NEGR1: variants seen among roughly 807,000 people sequenced by gnomAD.
The protein encoded by NEGR1 is neuronal growth regulator 1.
A neutral mutation model predicts 40.9 loss-of-function variants in NEGR1; 10 were observed. That is an observed-to-expected ratio of 0.24 (90% CI 0.15 to 0.42). NEGR1 has a LOEUF of 0.42. NEGR1 is among the 10% of genes least tolerant of loss of function. NEGR1 has a pLI of 1.00. For synonymous variants in NEGR1, 185 were observed against 166.8 expected (o/e 1.11, Z -0.84); for missense variants, 352 against 438.9 (o/e 0.80, Z 1.77).
At chr1:72,216,396 T>TAC (rs1410956107) in intron 1 of NEGR1, among the ~76,000 whole-genome samples, 56 of 139,396 alleles carry the variant, frequency 4.0e-4, no homozygotes, top group African/African-American at 1.5e-3. Context: ...TATATATATA[T>TAC]ATATACATAT....
chr1:71,578,162 A>T (rs1225513490), intron 6 of NEGR1, among the ~76,000 whole-genome samples: 1 of 152,166 alleles, frequency 6.6e-6, no homozygotes, highest in Non-Finnish European at 1.5e-5. Context: ...TTGCTGATTA[A>T]CAGTGATGCT....
intron 1 of NEGR1, among the ~76,000 whole-genome samples, chr1:72,254,446 T>C (rs1416860700): frequency 2.6e-5 from 4 of 152,104 alleles, no homozygotes; most frequent in Non-Finnish European, 5.9e-5. Flanking sequence ...CTCACGCCTG[T>C]GATCCCAGCA....
chr1:71,404,091 G>A lies in NEGR1; in HGVS notation c.*3355C>T, dbSNP rs1646261831. On this transcript the variant is annotated 3_prime_UTR_variant, in exon 7 of 7. Coordinates refer to ENST00000357731, the MANE Select transcript of NEGR1 (RefSeq NM_173808.3). ...TTGTTCAGTAAATTTGATCATTATAGATGATTGACTTTGATAATTCAGTTT... is the reference window on the plus strand; with the variant it reads ...TTGTTCAGTAAATTTGATCATTATAAATGATTGACTTTGATAATTCAGTTT... The A allele has an allele frequency of 4.0e-6, 1 of 252,160 alleles. No individual in the cohort carries two copies. Among genetic ancestry groups the A allele is most frequent in the Non-Finnish European group, 7.5e-6 (1 of 133,170 alleles). 15.6% of individuals were successfully genotyped at this position (252,160 alleles called of 1,614,324 possible).
At chr1:72,254,667 A>C (rs1171105374) in intron 1 of NEGR1, among the ~76,000 whole-genome samples, 2 of 145,286 alleles carry the variant, frequency 1.4e-5, no homozygotes, top group Non-Finnish European at 3.0e-5. Context: ...GCGCCACTGC[A>C]CTCCAGCCTG....
At chr1:72,077,115 G>C (rs111321663) in intron 1 of NEGR1, among the ~76,000 whole-genome samples, 2,324 of 151,860 alleles carry the variant, frequency 0.015, 58 homozygotes, top group African/African-American at 0.053. Flanking sequence ...AGGATGATCT[G>C]GATCTTTTGA....
At chr1:72,073,275 A>G (rs905461669) in intron 1 of NEGR1, among the ~76,000 whole-genome samples, 1 of 152,170 alleles carries the variant, frequency 6.6e-6, no homozygotes, top group Admixed American at 6.6e-5. Flanking sequence ...ACCTTCAGCA[A>G]GGCAGCTTTG....
At chr1:72,156,734 T>C (rs1205661687) in intron 1 of NEGR1, among the ~76,000 whole-genome samples, 3 of 152,258 alleles carry the variant, frequency 2.0e-5, no homozygotes, top group Admixed American at 2.0e-4. Flanking sequence ...CTAAAATACA[T>C]GGAAGGGGAA....
intron 4 of NEGR1, among the ~76,000 whole-genome samples, chr1:71,627,215 T>C (rs1433447519): frequency 6.6e-6 from 1 of 152,224 alleles, no homozygotes; most frequent in Non-Finnish European, 1.5e-5. Flanking sequence ...ATTGCAGAAC[T>C]ATTCACAATA....
At chr1:71,702,054 G>A (rs1049971088) in intron 3 of NEGR1, among the ~76,000 whole-genome samples, 3 of 151,972 alleles carry the variant, frequency 2.0e-5, no homozygotes, top group African/African-American at 7.2e-5. Context: ...GGTTTCAAAA[G>A]CAAATAAAAG....
At chr1:71,856,914 G>T (rs201526922) in intron 2 of NEGR1, among the ~76,000 whole-genome samples, 3 of 151,934 alleles carry the variant, frequency 2.0e-5, no homozygotes, top group African/African-American at 4.8e-5. Context: ...TTCATGTATC[G>T]TATTTATGTT....
chr1:71,591,994 C>G (rs960066508), intron 6 of NEGR1, among the ~76,000 whole-genome samples: 2 of 152,006 alleles, frequency 1.3e-5, no homozygotes, highest in African/African-American at 4.8e-5. Context: ...AATATTAACT[C>G]TAAGAGATAA....
intron 1 of NEGR1, among the ~76,000 whole-genome samples, chr1:72,113,456 G>C (rs899678910): frequency 1.5e-4 from 23 of 150,404 alleles, no homozygotes; most frequent in African/African-American, 5.4e-4. Context: ...TATGTGTTTA[G>C]AAAAAAAATA....
chr1:72,174,083 G>GT lies in NEGR1; in HGVS notation c.176+108235dup, dbSNP rs138079660. Among the ~76,000 whole-genome samples, 1,312 of 151,532 alleles carry GT rather than the reference G, an allele frequency of 8.7e-3. 12 individuals carry two copies. Among genetic ancestry groups the GT allele is most frequent in the Non-Finnish European group, 0.013 (887 of 67,858 alleles). On this transcript the variant is annotated intron_variant, in intron 1 of 6. Coordinates refer to ENST00000357731, the MANE Select transcript of NEGR1 (RefSeq NM_173808.3). ...TCTAACATGGACATCCCAATCGTTT[G>GT]TTTTTTTTAAAAAAACTGTCAATTT...
At chr1:71,557,499 T>G (rs1277429793) in intron 6 of NEGR1, among the ~76,000 whole-genome samples, 2 of 151,636 alleles carry the variant, frequency 1.3e-5, no homozygotes, top group Non-Finnish European at 3.0e-5. Context: ...AAAACATTTC[T>G]AATGTCTCTA....
chr1:72,247,562 T>C (rs1267392949), intron 1 of NEGR1, among the ~76,000 whole-genome samples: 2 of 152,232 alleles, frequency 1.3e-5, no homozygotes, highest in Non-Finnish European at 2.9e-5. Flanking sequence ...ACATGACCTT[T>C]ACTCCAGTTC....
chr1:71,660,614 A>G (rs1288611220), intron 4 of NEGR1, among the ~76,000 whole-genome samples: 1 of 152,220 alleles, frequency 6.6e-6, no homozygotes. Context: ...TTCTGAAAAC[A>G]AAAACAGAAA....
intron 1 of NEGR1, among the ~76,000 whole-genome samples, chr1:72,214,998 T>C (rs1441040172): frequency 6.6e-6 from 1 of 152,056 alleles, no homozygotes; most frequent in Non-Finnish European, 1.5e-5. Flanking sequence ...AACAGCATGG[T>C]ACTCGTACCA....
At chr1:72,275,478 GA>G (rs905349645) in intron 1 of NEGR1, among the ~76,000 whole-genome samples, 27 of 151,408 alleles carry the variant, frequency 1.8e-4, no homozygotes, top group African/African-American at 5.8e-4. Context: ...TACTCCTAGG[GA>G]AAAAAAACAA....
At chr1:71,563,317 G>A (rs1250281309) in intron 6 of NEGR1, among the ~76,000 whole-genome samples, 1 of 151,958 alleles carries the variant, frequency 6.6e-6, no homozygotes, top group African/African-American at 2.4e-5. Context: ...AATGGCCGGT[G>A]CATGAACCCA....
Sources: gnomAD v4.1 joint callset for allele counts (sites outside exome capture counted in the v4.1 genomes callset) on GRCh38, gnomAD v4.1.1 for gene constraint, MANE v1.5 for transcripts, NCBI Gene and HGNC (gene_info 2026-07-23, HGNC 2026-07-21) for gene names.